The following CENPN variants were observed in gnomAD, a reference collection of about 807,000 sequenced individuals.
The protein encoded by CENPN is centromere protein N.
Under a neutral mutation model 48.6 loss-of-function variants are expected in CENPN, and 36 were observed. That is an observed-to-expected ratio of 0.74 (90% CI 0.57 to 0.98). The LOEUF (loss-of-function observed/expected upper bound fraction) is 0.98, where lower values mean the gene tolerates loss of function less well. Ranked by LOEUF, CENPN falls within the 50% of genes least tolerant of loss-of-function variation. CENPN has a pLI of 0.00. For synonymous variants in CENPN, 166 were observed against 135.2 expected (o/e 1.23, Z -1.58); for missense variants, 439 against 399.2 (o/e 1.10, Z -0.85).
intron 3 of CENPN, among the ~76,000 whole-genome samples, chr16:81,016,501 C>G (rs1969937251): frequency 6.6e-6 from 1 of 152,228 alleles, no homozygotes; most frequent in Non-Finnish European, 1.5e-5. Context: ...ATGGCTCACG[C>G]CTGTAATCCC....
chr16:81,032,639 G>A (rs1335013358), downstream of CENPN: 5 of 1,613,706 alleles, frequency 3.1e-6, no homozygotes, highest in Admixed American at 1.7e-5. Flanking sequence ...CAGGACCCGA[G>A]CAGCTGGCAG....
intron 3 of CENPN, among the ~76,000 whole-genome samples, chr16:81,014,922 G>A (rs1271692857): frequency 6.6e-6 from 1 of 152,132 alleles, no homozygotes; most frequent in Non-Finnish European, 1.5e-5. Context: ...GTTACATGAG[G>A]TATGCAACAG....
Position 81,028,995 on chromosome 16 carries a change from T to A in CENPN, c.*344T>A, listed in dbSNP as rs1970645588. Reference sequence around the variant, plus strand: ...TTGTGTCCTTTTTTCTATGGCTGTCTCTTCTCAATTCTGGAGAGGTCTGGT... The same window carrying A: ...TTGTGTCCTTTTTTCTATGGCTGTCACTTCTCAATTCTGGAGAGGTCTGGT... On this transcript the variant is annotated 3_prime_UTR_variant, in exon 11 of 11. Coordinates refer to ENST00000305850, the MANE Select transcript of CENPN (RefSeq NM_001100624.3). 1.0e-6 allele frequency: 1 copy of A among 1,001,262 alleles called. No individual in the cohort carries two copies. The highest frequency in any genetic ancestry group is 1.2e-6 in the Non-Finnish European group (1 of 840,902). The allele number at this position is 1,001,262 out of a possible 1,614,324, so 62.0% of individuals were successfully genotyped here.
intron 9 of CENPN, among the ~76,000 whole-genome samples, chr16:81,027,058 A>C (rs1970533715): frequency 6.6e-6 from 1 of 151,936 alleles, no homozygotes; most frequent in Admixed American, 6.6e-5. Context: ...TCGGCCTCCC[A>C]AGGTGTTGGG....
chr16:81,007,604 G>C (rs1036840448), intron 1 of CENPN, among the ~76,000 whole-genome samples: 1 of 152,210 alleles, frequency 6.6e-6, no homozygotes, highest in African/African-American at 2.4e-5. Flanking sequence ...CTTTCCCAGA[G>C]TTGGGGTTTT....
chr16:81,012,329 T>C (rs1036344108), intron 2 of CENPN, among the ~76,000 whole-genome samples: 6 of 152,210 alleles, frequency 3.9e-5, no homozygotes, highest in East Asian at 1.9e-4. Flanking sequence ...AAAGTAAATA[T>C]AGTAGAAAAA....
Position 81,029,964 on chromosome 16 carries a change from A to G in CENPN, c.*1313A>G, listed in dbSNP as rs368002149. Among the ~76,000 whole-genome samples, 5 of 152,360 alleles carry G rather than the reference A, an allele frequency of 3.3e-5. No individual in the cohort carries two copies. Among genetic ancestry groups the G allele is most frequent in the Admixed American group, 6.5e-5 (1 of 15,306 alleles). Reference sequence around the variant, plus strand: ...TTCCACGTGGCCAGGGAGGCCTCACAATCATGGTGGAAGGCAAATGAGAAG... The same window carrying G: ...TTCCACGTGGCCAGGGAGGCCTCACGATCATGGTGGAAGGCAAATGAGAAG... On this transcript the variant is annotated 3_prime_UTR_variant, in exon 11 of 11. Transcript: ENST00000305850.
chr16:81,008,722 A>T (rs1212250561), intron 1 of CENPN, among the ~76,000 whole-genome samples: 1 of 152,178 alleles, frequency 6.6e-6, no homozygotes, highest in African/African-American at 2.4e-5. Flanking sequence ...TTGTCTCCTC[A>T]GGCATTCATT....
intron 7 of CENPN, chr16:81,022,903 C>G: frequency 6.3e-7 from 1 of 1,595,724 alleles, no homozygotes; most frequent in Non-Finnish European, 8.5e-7. Flanking sequence ...GTGTTTTATA[C>G]CACTCATTAG....
chr16:81,024,080 CAA>C (rs1054725398), intron 7 of CENPN: 2 of 142,282 alleles, frequency 1.4e-5, no homozygotes, highest in Non-Finnish European at 1.5e-5. Context: ...GACTCTGTCT[CAA>C]AAAAAAAAGT....
chr16:81,012,238 A>G (rs1461224226), intron 2 of CENPN, 128 bp downstream of exon 2: 4 of 645,906 alleles, frequency 6.2e-6, no homozygotes, highest in Non-Finnish European at 9.6e-6. Flanking sequence ...TGAGGGCTAT[A>G]TACAACTGCA....
rs539733035 is a variant in CENPN, at chr16:81,017,908, T to C, written c.354+74T>C. On this transcript the variant is annotated intron_variant, in intron 5 of 10. Coordinates refer to ENST00000305850, the MANE Select transcript of CENPN (RefSeq NM_001100624.3). ...GTGCACTTAAAATTTGCTACTATCATAGTTTTTTTTTAATTTGTAAGAAAT... is the reference window on the plus strand; with the variant it reads ...GTGCACTTAAAATTTGCTACTATCACAGTTTTTTTTTAATTTGTAAGAAAT... 7.1e-6 allele frequency: 6 copies of C among 843,380 alleles called. No individual in the cohort carries two copies. In the African/African-American group the frequency reaches 8.7e-5, roughly 12 times the overall value. The allele number at this position is 843,380 out of a possible 1,614,324, so 52.2% of individuals were successfully genotyped here. A position where few individuals can be genotyped will look rare whatever the true frequency, so the allele number is the denominator to read the frequency against.
intron 5 of CENPN, among the ~76,000 whole-genome samples, chr16:81,018,170 A>C (rs1010425597): frequency 2.0e-5 from 3 of 151,608 alleles, no homozygotes; most frequent in African/African-American, 7.3e-5. Flanking sequence ...CTGAATTTTT[A>C]ATCTTTTTTT....
At chr16:81,031,769 A>C (rs1970789659), downstream of CENPN, among the ~76,000 whole-genome samples, 3 of 152,138 alleles carry the variant, frequency 2.0e-5, no homozygotes, top group South Asian at 6.2e-4. Flanking sequence ...TGCCCAGCTA[A>C]TTTTTGTATT....
intron 5 of CENPN, among the ~76,000 whole-genome samples, chr16:81,019,804 T>G (rs1266812489): frequency 1.3e-5 from 2 of 151,416 alleles, no homozygotes; most frequent in Non-Finnish European, 2.9e-5. Flanking sequence ...GCCCAGGAAG[T>G]TGAGGCTGCC....
chr16:81,010,353 A>G (rs935491644), intron 1 of CENPN, among the ~76,000 whole-genome samples: 2 of 152,152 alleles, frequency 1.3e-5, no homozygotes, highest in Admixed American at 6.5e-5. Context: ...GAAAATGATA[A>G]AAGAGCTCAG....
In CENPN at chr16:81,028,736, C is replaced by A. The variant is rs1287114821; in HGVS notation, c.*85C>A. On this transcript the variant is annotated 3_prime_UTR_variant, in exon 11 of 11. Coordinates refer to ENST00000305850, the MANE Select transcript of CENPN (RefSeq NM_001100624.3). The stretch of plus-strand genomic sequence containing the variant: ...TCATGGCTAGCTGTATAGCTTCCGT[C>A]TGTAAACTTGTATTTTCAAGAATCC... The A allele has an allele frequency of 1.3e-6, 2 of 1,513,824 alleles. No individual in the cohort carries two copies. Among genetic ancestry groups the A allele is most frequent in the South Asian group, 2.7e-5 (2 of 73,748 alleles). The allele number at this position is 1,513,824 out of a possible 1,614,324, so 93.8% of individuals were successfully genotyped here. A position where few individuals can be genotyped will look rare whatever the true frequency, so the allele number is the denominator to read the frequency against.
Position 81,022,701 on chromosome 16 carries a change from G to A in CENPN, c.633+3G>A. 2 of 1,614,056 alleles carry A rather than the reference G, an allele frequency of 1.2e-6. No homozygotes were observed. The highest frequency in any genetic ancestry group is 1.7e-6 in the Non-Finnish European group (2 of 1,179,972). ...TTGTTTTTAAACAGTATAATCAGGT[G>A]AGCCAATCAGTGACTCTCTTTAAAG... On this transcript the variant is annotated splice_donor_region_variant and intron_variant, in intron 7 of 10. Transcript: ENST00000305850.
Position 81,009,208 on chromosome 16 carries a change from T to C in CENPN, c.-11+1931T>C, listed in dbSNP as rs138769854. ...CTCTAATGTGGGTGACCCAGCAAGA[T>C]TCCGTCTAAAAAAAAGGAAAAAAAC... On this transcript the variant is annotated intron_variant, in intron 1 of 10. Coordinates refer to ENST00000305850, the MANE Select transcript of CENPN (RefSeq NM_001100624.3). Among the ~76,000 whole-genome samples the C allele has an allele frequency of 1.3e-3, 198 of 152,206 alleles. 1 individual carries two copies. The highest frequency in any genetic ancestry group is 4.4e-3 in the African/African-American group (182 of 41,526).
Sources: allele counts gnomAD v4.1 joint callset (sites outside exome capture counted in the v4.1 genomes callset), GRCh38; gene constraint gnomAD v4.1.1; transcripts MANE v1.5; gene names NCBI Gene and HGNC (gene_info 2026-07-23, HGNC 2026-07-21).